Variants in CEBPZ observed in about 807,000 individuals in gnomAD.
CEBPZ encodes CCAAT/enhancer-binding protein zeta.
Under a neutral mutation model 104.5 loss-of-function variants are expected in CEBPZ, and 78 were observed. The observed-to-expected ratio is 0.75, with a 90% CI of 0.62 to 0.90. The LOEUF is 0.90. Ranked by LOEUF, CEBPZ falls within the 40% of genes least tolerant of loss-of-function variation. The pLI is 0.00. For missense variants in CEBPZ, 1,439 were observed against 1,233.5 expected, an observed-to-expected ratio of 1.17 and a Z score of -2.50; for synonymous variants, 470 against 427.0, an observed-to-expected ratio of 1.10 and a Z score of -1.24.
At chr2:37,205,078 G>A (rs963948434) in intron 13 of CEBPZ, among the ~76,000 whole-genome samples, 2 of 152,164 alleles carry the variant, frequency 1.3e-5, no homozygotes, top group Non-Finnish European at 2.9e-5. Context: ...AAATCTGGAA[G>A]ATAACGTGTT....
chr2:37,217,041 A>G lies in CEBPZ; in HGVS notation c.2155-4T>C, dbSNP rs1356985734. ...AGGGATGAAAATGCACAGATAACTA[A>G]AAAGAAAAATGTGAATAATATCAAT... On this transcript the variant is annotated splice_region_variant and splice_polypyrimidine_tract_variant and intron_variant, in intron 5 of 15. Transcript: ENST00000234170. 1.2e-6 allele frequency: 2 copies of G among 1,609,998 alleles called. No homozygotes were observed. The highest frequency in any genetic ancestry group is 1.7e-6 in the Non-Finnish European group (2 of 1,176,362).
rs1162758558 is a variant in CEBPZ, at chr2:37,228,905, A to G, written c.288T>C (p.Tyr96=). ...AFIQNLNLAK[Y]TKASLVEEDE... The stretch of plus-strand genomic sequence containing the variant: ...CTTCTTCAACTAAGGAAGCTTTTGT[A>G]TACTTCGCCAAATTAAGATTTTGAA... Residue 96 remains tyrosine, a synonymous_variant, in exon 2 of 16, where the codon TAT becomes TAC. Coordinates refer to ENST00000234170, the MANE Select transcript of CEBPZ (RefSeq NM_005760.3). The G allele has an allele frequency of 5.0e-6, 8 of 1,610,856 alleles. No homozygotes were observed. The highest frequency in any genetic ancestry group is 5.9e-6 in the Non-Finnish European group (7 of 1,178,962).
intron 10 of CEBPZ, 162 bp downstream of exon 10, chr2:37,213,702 C>T: frequency 3.7e-6 from 2 of 547,434 alleles, no homozygotes; most frequent in South Asian, 4.3e-5. Context: ...GTGTGAGCCA[C>T]AGCGCCTGGC....
intron 13 of CEBPZ, among the ~76,000 whole-genome samples, chr2:37,208,257 A>T (rs1677604704): frequency 1.3e-5 from 2 of 152,212 alleles, no homozygotes; most frequent in Non-Finnish European, 2.9e-5. Flanking sequence ...AAACTATTCC[A>T]AAAGATAGGG....
rs544486294 is a variant in CEBPZ at position 37,226,342 on chromosome 2, G to A, written c.1649+1202C>T. On this transcript the variant is annotated intron_variant, in intron 2 of 15. Transcript: ENST00000234170. ...ACTAAAGAAACATGGATGACTATCA[G>A]TAATAAGGATAGCCGCCAACATTTC... Among the ~76,000 whole-genome samples the A allele has an allele frequency of 3.4e-4, 52 of 152,304 alleles. 1 individual carries two copies. Among genetic ancestry groups the A allele is most frequent in the Admixed American group, 3.0e-3 (46 of 15,302 alleles).
chr2:37,210,945 T>G, intron 13 of CEBPZ, 54 bp downstream of exon 13: 2 of 1,264,578 alleles, frequency 1.6e-6, no homozygotes, highest in Non-Finnish European at 2.2e-6. Context: ...AAAATGATAA[T>G]GACACCTTTC....
chr2:37,229,732 T>C (rs949123970), intron 1 of CEBPZ, among the ~76,000 whole-genome samples: 19 of 152,212 alleles, frequency 1.2e-4, no homozygotes, highest in African/African-American at 4.3e-4. Context: ...GATTGAGACA[T>C]GGTCTCGCTC....
chr2:37,208,232 G>A (rs1484316797), intron 13 of CEBPZ, among the ~76,000 whole-genome samples: 1 of 152,104 alleles, frequency 6.6e-6, no homozygotes, highest in Non-Finnish European at 1.5e-5. Context: ...CAAAGAACTG[G>A]TACCAATCCT....
intron 2 of CEBPZ, among the ~76,000 whole-genome samples, chr2:37,224,140 G>A (rs971796748): frequency 6.6e-6 from 1 of 152,156 alleles, no homozygotes; most frequent in African/African-American, 2.4e-5. Context: ...TGTAACCCCA[G>A]TGCCTGGCAG....
At chr2:37,230,902 C>G (rs1665059934) in intron 1 of CEBPZ, among the ~76,000 whole-genome samples, 1 of 152,160 alleles carries the variant, frequency 6.6e-6, no homozygotes. Flanking sequence ...CACTCCTTAT[C>G]GTCCTTCCTT....
intron 2 of CEBPZ, among the ~76,000 whole-genome samples, chr2:37,224,108 G>A (rs1258427813): frequency 6.6e-6 from 1 of 152,138 alleles, no homozygotes; most frequent in Non-Finnish European, 1.5e-5. Flanking sequence ...ATGAAATAGG[G>A]ATTATGCCTG....
At chr2:37,217,760 G>A (rs562868714) in intron 5 of CEBPZ, among the ~76,000 whole-genome samples, 7 of 150,986 alleles carry the variant, frequency 4.6e-5, no homozygotes, top group Non-Finnish European at 8.8e-5. Context: ...AAATTAGCCG[G>A]GCGTGGTGGC....
At chr2:37,216,904 A>G in intron 6 of CEBPZ, 80 bp downstream of exon 6, 1 of 1,157,306 alleles carries the variant, frequency 8.6e-7, no homozygotes, top group Non-Finnish European at 1.3e-6. Context: ...GTTAGAGAAA[A>G]CACTGTATGA....
intron 10 of CEBPZ, 183 bp downstream of exon 10, chr2:37,213,681 T>G (rs1428052184): frequency 4.3e-5 from 21 of 494,058 alleles, no homozygotes; most frequent in Non-Finnish European, 7.1e-5. Flanking sequence ...GCCAAAGTGC[T>G]GGGATTACAG....
chr2:37,224,135 C>A (rs914405940), intron 2 of CEBPZ, among the ~76,000 whole-genome samples: 1 of 152,196 alleles, frequency 6.6e-6, no homozygotes, highest in Non-Finnish European at 1.5e-5. Flanking sequence ...ACTGTTGTAA[C>A]CCCAGTGCCT....
At chr2:37,227,358 T>C (rs1231994035) in intron 2 of CEBPZ, among the ~76,000 whole-genome samples, 186 bp downstream of exon 2, 1 of 152,236 alleles carries the variant, frequency 6.6e-6, no homozygotes, top group Middle Eastern at 3.2e-3. Context: ...AAGCATCTAA[T>C]ATAATTTGTG....
chr2:37,205,100 ATG>A (rs1395099685), intron 13 of CEBPZ, among the ~76,000 whole-genome samples: 1 of 152,228 alleles, frequency 6.6e-6, no homozygotes, highest in Non-Finnish European at 1.5e-5. Flanking sequence ...TAATTTAAAT[ATG>A]TATCAGTTAA....
chr2:37,205,579 C>A (rs925907759), intron 13 of CEBPZ, among the ~76,000 whole-genome samples: 27 of 152,360 alleles, frequency 1.8e-4, no homozygotes, highest in African/African-American at 5.8e-4. Flanking sequence ...GTGAAATAAG[C>A]AGCCTTGTTG....
In CEBPZ at chr2:37,216,438, T is replaced by A. The variant is rs745736987; in HGVS notation, c.2209-20A>T. 3.3e-6 allele frequency: 5 copies of A among 1,529,792 alleles called. No individual in the cohort carries two copies. The highest frequency in any genetic ancestry group is 4.5e-6 in the Non-Finnish European group (5 of 1,114,924). The allele number at this position is 1,529,792 out of a possible 1,614,324, so 94.8% of individuals were successfully genotyped here. On this transcript the variant is annotated intron_variant, in intron 6 of 15. Transcript: ENST00000234170. Reference sequence around the variant, plus strand: ...GTTTCCCTGAAAAGTGGAGCGGGGATTTAAAAACTTAATTCAAATTATGTC... The same window carrying A: ...GTTTCCCTGAAAAGTGGAGCGGGGAATTAAAAACTTAATTCAAATTATGTC...
Sources: gnomAD v4.1 joint callset for allele counts (sites outside exome capture counted in the v4.1 genomes callset) on GRCh38, gnomAD v4.1.1 for gene constraint, MANE v1.5 for transcripts, NCBI Gene and HGNC (gene_info 2026-07-23, HGNC 2026-07-21) for gene names.